SEC23A: variants seen among roughly 807,000 people sequenced by gnomAD.
SEC23A encodes the protein SEC23 homolog A, COPII component.
SEC23A carries 56 observed loss-of-function variants against 103.7 expected under a neutral mutation model. The ratio of observed to expected loss-of-function variants is 0.54; its 90% CI spans 0.44 to 0.67. The LOEUF is 0.67. Among genes scored for constraint, SEC23A ranks in the 30% least tolerant of loss-of-function variants. The pLI, the probability that SEC23A is intolerant of heterozygous loss-of-function variation, is 0.00. For missense variants in SEC23A, 784 were observed against 936.4 expected, an observed-to-expected ratio of 0.84 and a Z score of 2.12; for synonymous variants, 281 against 293.0, an observed-to-expected ratio of 0.96 and a Z score of 0.42.
At chr14:39,075,908 G>T in intron 8 of SEC23A, 27 bp downstream of exon 8, 1 of 1,605,464 alleles carries the variant, frequency 6.2e-7, no homozygotes, top group Non-Finnish European at 8.5e-7. Flanking sequence ...TTCTAATAAG[G>T]CAAAAATATT....
chr14:39,060,999 G>C (rs1273135236), intron 13 of SEC23A, among the ~76,000 whole-genome samples: 2 of 152,124 alleles, frequency 1.3e-5, no homozygotes, highest in Non-Finnish European at 2.9e-5. Flanking sequence ...ATGTGAACCA[G>C]TGCCATGAAG....
chr14:39,077,659 C>G (rs1175390390), intron 7 of SEC23A, among the ~76,000 whole-genome samples: 1 of 152,200 alleles, frequency 6.6e-6, no homozygotes, highest in Non-Finnish European at 1.5e-5. Flanking sequence ...TCTACTTCCC[C>G]TTCCTCACAA....
chr14:39,077,485 T>C (rs758102551), intron 7 of SEC23A, among the ~76,000 whole-genome samples: 10 of 151,034 alleles, frequency 6.6e-5, no homozygotes, highest in Non-Finnish European at 1.2e-4. Flanking sequence ...GAGGTTGCAG[T>C]GAGCCGAGAT....
chr14:39,073,546 G>A (rs932354644), intron 9 of SEC23A, among the ~76,000 whole-genome samples: 5 of 148,946 alleles, frequency 3.4e-5, no homozygotes, highest in Admixed American at 2.7e-4. Flanking sequence ...CTCCCACCTC[G>A]GCTTCTCAAA....
At chr14:39,040,483 G>T (rs929116148) in intron 18 of SEC23A, 1 of 540,314 alleles carries the variant, frequency 1.9e-6, no homozygotes. Flanking sequence ...TGCCATCCTG[G>T]CCCTGTTCAG....
In SEC23A at chr14:39,086,988, T is replaced by C; in HGVS notation, c.624A>G (p.Lys208=). The C allele has an allele frequency of 6.3e-7, 1 of 1,576,520 alleles. No individual in the cohort carries two copies. Among genetic ancestry groups the C allele is most frequent in the Non-Finnish European group, 8.7e-7 (1 of 1,145,684 alleles). Residue 208 remains lysine, a synonymous_variant, in exon 6 of 20, where the codon AAA becomes AAG. Coordinates refer to ENST00000307712, the MANE Select transcript of SEC23A (RefSeq NM_006364.4). ...CACGTGTTGCTTGAGTAAGTGGTAC[T>C]TTAGAGAGCCCCAGCATTTCCTGTA... The part of the protein sequence containing the change: ...KQLQEMLGLS[K]VPLTQATRGP...
At chr14:39,102,115 C>G (rs1425719712) in intron 1 of SEC23A, among the ~76,000 whole-genome samples, 1 of 152,012 alleles carries the variant, frequency 6.6e-6, no homozygotes, top group African/African-American at 2.4e-5. Context: ...CCCTGTAATC[C>G]CAGCTACTCG....
intron 13 of SEC23A, among the ~76,000 whole-genome samples, chr14:39,060,689 G>A (rs1165082365): frequency 6.6e-6 from 1 of 152,126 alleles, no homozygotes; most frequent in Admixed American, 6.5e-5. Context: ...AAGTAGCAGA[G>A]AAATAATTTA....
intron 2 of SEC23A, among the ~76,000 whole-genome samples, chr14:39,093,498 G>T (rs1053889543): frequency 6.6e-6 from 1 of 152,134 alleles, no homozygotes; most frequent in African/African-American, 2.4e-5. Flanking sequence ...AGTAGGTCAC[G>T]CCTGTAATCT....
At chr14:39,075,877 G>A in intron 8 of SEC23A, 58 bp downstream of exon 8, 1 of 1,428,376 alleles carries the variant, frequency 7.0e-7, no homozygotes, top group Non-Finnish European at 9.9e-7. Flanking sequence ...TTCTTCTTCT[G>A]CCAGCAAATG....
intron 6 of SEC23A, among the ~76,000 whole-genome samples, chr14:39,086,354 G>C (rs1317300194): frequency 6.6e-6 from 1 of 152,106 alleles, no homozygotes; most frequent in South Asian, 2.1e-4. Context: ...AGGGGAAAAA[G>C]CTAGCAGGGC....
At chr14:39,044,804 G>C (rs138531602) in intron 16 of SEC23A, among the ~76,000 whole-genome samples, 2 of 152,106 alleles carry the variant, frequency 1.3e-5, no homozygotes, top group Non-Finnish European at 2.9e-5. Flanking sequence ...ACTAAACTCT[G>C]GAATAAGCTA....
Position 39,091,671 on chromosome 14 carries a change from T to C in SEC23A, c.409A>G (p.Thr137Ala), listed in dbSNP as rs1887668781. ...TGTAAATCTTCATCTTCCATGCAAG[T>C]ATCAACCACATAGAGGAATATCAAA... ...MPLIFLYVVDTCMEDEDLQAL... is the reference protein window; with the variant it reads ...MPLIFLYVVDACMEDEDLQAL... Residue 137 changes from threonine to alanine, a missense_variant, in exon 5 of 20, where the codon ACT (threonine) becomes GCT (alanine). By Grantham distance (58) the Thr-to-Ala change is moderately conservative. This residue lies in a region of SEC23A where 683 missense variants were observed against 774.2 expected (regional missense o/e 0.88). Transcript: ENST00000307712. 6.2e-7 allele frequency: 1 copy of C among 1,613,904 alleles called. No homozygotes were observed. The highest frequency in any genetic ancestry group is 1.7e-5 in the Admixed American group (1 of 60,002).
intron 19 of SEC23A, among the ~76,000 whole-genome samples, chr14:39,034,041 C>CT: frequency 6.6e-6 from 1 of 152,326 alleles, no homozygotes; most frequent in East Asian, 1.9e-4. Context: ...GAGATGAGAA[C>CT]TTATAGCTCC....
intron 1 of SEC23A, among the ~76,000 whole-genome samples, chr14:39,099,165 T>G (rs1566518803): frequency 1.4e-5 from 2 of 144,582 alleles, no homozygotes; most frequent in African/African-American, 2.5e-5. Context: ...TTTTTTTTTT[T>G]TTTTTTTTTT....
chr14:39,091,718 T>A lies in SEC23A; in HGVS notation c.367-5A>T, dbSNP rs757056370. On this transcript the variant is annotated splice_polypyrimidine_tract_variant and splice_region_variant and intron_variant, in intron 4 of 19. Coordinates refer to ENST00000307712, the MANE Select transcript of SEC23A (RefSeq NM_006364.4). ...CAAAGGCATCTGAGGACCACGCTTT[T>A]AAAAAATTCACCAAAAAGAAAAAAT... 7 of 1,605,528 alleles carry A rather than the reference T, an allele frequency of 4.4e-6. No individual in the cohort carries two copies. The highest frequency in any genetic ancestry group is 1.6e-4 in the Middle Eastern group (1 of 6,064).
At chr14:39,036,703 C>T (rs1885474691) in intron 19 of SEC23A, among the ~76,000 whole-genome samples, 1 of 152,154 alleles carries the variant, frequency 6.6e-6, no homozygotes, top group Non-Finnish European at 1.5e-5. Flanking sequence ...AATATCTGTT[C>T]TTTTGTGTCT....
rs139511847 is a variant in SEC23A at position 39,063,372 on chromosome 14, T to G, written c.1350A>C (p.Gly450=). 2.9e-5 allele frequency: 47 copies of G among 1,612,568 alleles called. No homozygotes were observed. Among genetic ancestry groups the G allele is most frequent in the Non-Finnish European group, 3.8e-5 (45 of 1,178,894 alleles). Reference sequence around the variant, plus strand: ...TGGCTAAGGTTGTAGTGGGACTAAGTCCACATATCTTCCACTGACATGTGC... The same window carrying G: ...TGGCTAAGGTTGTAGTGGGACTAAGGCCACATATCTTCCACTGACATGTGC... ...TGGTCQWKIC[G]LSPTTTLAIY... Residue 450 remains glycine, a synonymous_variant, in exon 12 of 20, where the codon GGA becomes GGC. Coordinates refer to ENST00000307712, the MANE Select transcript of SEC23A (RefSeq NM_006364.4).
chr14:39,084,546 C>T (rs1291359619), intron 7 of SEC23A, among the ~76,000 whole-genome samples: 2 of 152,038 alleles, frequency 1.3e-5, no homozygotes, highest in African/African-American at 4.8e-5. Flanking sequence ...GATTTTTTTT[C>T]ACTCAATATT....
Sources: allele counts gnomAD v4.1 joint callset (sites outside exome capture counted in the v4.1 genomes callset), GRCh38; gene constraint gnomAD v4.1.1; regional missense constraint gnomAD v4.1.1; transcripts MANE v1.5; gene names NCBI Gene and HGNC (gene_info 2026-07-23, HGNC 2026-07-21).